TEX15: variants seen among roughly 807,000 people sequenced by gnomAD.
TEX15 encodes testis-expressed protein 15.
A neutral mutation model predicts 237.3 loss-of-function variants in TEX15; 171 were observed. That is an observed-to-expected ratio of 0.72 (90% CI 0.64 to 0.82). The LOEUF (loss-of-function observed/expected upper bound fraction) is 0.82. Among genes scored for constraint, TEX15 ranks in the 40% least tolerant of loss-of-function variants. The probability of loss-of-function intolerance (pLI) is 0.00; values close to 1 mark genes in which losing one functional copy is unlikely to be tolerated. For synonymous variants in TEX15, 1,338 were observed against 1,269.8 expected (o/e 1.05, Z -1.14); for missense variants, 3,750 against 3,646.5 (o/e 1.03, Z -0.73).
intron 4 of TEX15, among the ~76,000 whole-genome samples, chr8:30,871,053 C>T (rs1808281350): frequency 1.3e-5 from 2 of 151,742 alleles, no homozygotes; most frequent in African/African-American, 4.8e-5. Flanking sequence ...CAAGCTGAGT[C>T]CCCCTCATAT....
At chr8:30,897,767 CCTT>C (rs1392440186) in intron 2 of TEX15, among the ~76,000 whole-genome samples, 5 of 152,238 alleles carry the variant, frequency 3.3e-5, no homozygotes, top group African/African-American at 1.2e-4. Flanking sequence ...CTCAAGCAAT[CCTT>C]CTGCCTCAGC....
intron 5 of TEX15, among the ~76,000 whole-genome samples, chr8:30,863,132 A>C (rs1369376300): frequency 6.6e-6 from 1 of 152,190 alleles, no homozygotes; most frequent in African/African-American, 2.4e-5. Flanking sequence ...AGAATGTTTC[A>C]GATTTTGAAT....
intron 3 of TEX15, among the ~76,000 whole-genome samples, chr8:30,878,078 T>C (rs1445910919): frequency 2.0e-5 from 3 of 150,198 alleles, no homozygotes; most frequent in African/African-American, 5.0e-5. Flanking sequence ...TTTTGTAGTA[T>C]GAGACCTGTA....
chr8:30,864,121 TAAA>T (rs961216123), intron 5 of TEX15, among the ~76,000 whole-genome samples: 19 of 151,716 alleles, frequency 1.3e-4, no homozygotes, highest in African/African-American at 4.6e-4. Context: ...AGAGAAAACT[TAAA>T]AACCAAAAAG....
intron 1 of TEX15, among the ~76,000 whole-genome samples, chr8:30,909,924 G>A (rs556218626): frequency 1.3e-5 from 2 of 152,274 alleles, no homozygotes; most frequent in Non-Finnish European, 2.9e-5. Flanking sequence ...GAGATTTAAT[G>A]AGATTCCATT....
chr8:30,877,782 T>C (rs1473364883), intron 3 of TEX15, among the ~76,000 whole-genome samples: 1 of 152,196 alleles, frequency 6.6e-6, no homozygotes, highest in African/African-American at 2.4e-5. Flanking sequence ...GAAAATGACA[T>C]TGGTACAAGC....
Position 30,848,818 on chromosome 8 carries a change from G to A in TEX15, c.1349C>T (p.Ala450Val), listed in dbSNP as rs559258109. ...EESMGEQSST[A>V]GLNEVLQFEK... ...AAATTGCAAAACCTCATTTAAGCCTGCAGTACTACTCTGTTCTCCCATACT... is the reference window on the plus strand; with the variant it reads ...AAATTGCAAAACCTCATTTAAGCCTACAGTACTACTCTGTTCTCCCATACT... The change falls in exon 8 of 11, where the codon GCA becomes GTA. Residue 450 changes from alanine (A) to valine (V), a missense_variant. Ala to Val is a moderately conservative substitution (Grantham distance 64). Transcript: ENST00000643185. The A allele has an allele frequency of 1.1e-5, 17 of 1,614,140 alleles. No individual in the cohort carries two copies. Among genetic ancestry groups the A allele is most frequent in the African/African-American group, 9.3e-5 (7 of 75,038 alleles).
chr8:30,896,350 T>C (rs1047578639), intron 2 of TEX15, among the ~76,000 whole-genome samples: 2 of 152,332 alleles, frequency 1.3e-5, no homozygotes, highest in East Asian at 1.9e-4. Flanking sequence ...TCATCTATTT[T>C]CACTCATCTT....
At chr8:30,855,886 G>C (rs1038341915) in intron 7 of TEX15, among the ~76,000 whole-genome samples, 3 of 152,122 alleles carry the variant, frequency 2.0e-5, no homozygotes, top group Admixed American at 6.5e-5. Context: ...AGGCAAATAA[G>C]TACATTAGTA....
intron 1 of TEX15, among the ~76,000 whole-genome samples, 152 bp from the exon 2 acceptor site, chr8:30,898,969 G>A (rs543120711): frequency 3.9e-4 from 59 of 152,126 alleles, no homozygotes; most frequent in Non-Finnish European, 6.9e-4. Context: ...GGGGGAGGGA[G>A]CTGTCTGTTT....
At chr8:30,835,293 C>T (rs1468234157) in intron 10 of TEX15, among the ~76,000 whole-genome samples, 2 of 151,946 alleles carry the variant, frequency 1.3e-5, no homozygotes, top group African/African-American at 4.8e-5. Context: ...TTAGTAGATA[C>T]CAGGGTTTCG....
chr8:30,860,920 A>T (rs926421236), intron 5 of TEX15, among the ~76,000 whole-genome samples: 25 of 147,984 alleles, frequency 1.7e-4, no homozygotes, highest in African/African-American at 5.7e-4. Context: ...ATAGCTCAGA[A>T]TTTTTTTTTT....
intron 8 of TEX15, among the ~76,000 whole-genome samples, chr8:30,841,245 C>T (rs558949471): frequency 1.3e-5 from 2 of 152,272 alleles, no homozygotes; most frequent in East Asian, 3.9e-4. Flanking sequence ...TTCTAAACTT[C>T]TGAACTAAGA....
chr8:30,852,193 C>T (rs1191931610), intron 7 of TEX15, among the ~76,000 whole-genome samples: 1 of 148,540 alleles, frequency 6.7e-6, no homozygotes, highest in Non-Finnish European at 1.5e-5. Flanking sequence ...CAAACTCCGC[C>T]TCCCGGGTTC....
intron 1 of TEX15, among the ~76,000 whole-genome samples, chr8:30,911,550 T>C (rs1809219577): frequency 1.3e-5 from 2 of 152,192 alleles, no homozygotes; most frequent in African/African-American, 4.8e-5. Context: ...CACTTCTACT[T>C]CATACTTTGA....
intron 6 of TEX15, 46 bp downstream of exon 6, chr8:30,859,865 T>C (rs1320610938): frequency 1.5e-6 from 2 of 1,316,064 alleles, no homozygotes; most frequent in African/African-American, 1.5e-5. Flanking sequence ...AAACATACAA[T>C]GTGAAACATG....
At chr8:30,858,890 A>G (rs1216558389) in intron 6 of TEX15, 60 bp from the exon 7 acceptor site, 12 of 1,220,242 alleles carry the variant, frequency 9.8e-6, no homozygotes, top group South Asian at 1.7e-5. Context: ...GAATAAGCTC[A>G]TATTTTTAAA....
At chr8:30,899,370 G>C (rs1334922662) in intron 1 of TEX15, among the ~76,000 whole-genome samples, 1 of 152,132 alleles carries the variant, frequency 6.6e-6, no homozygotes, top group African/African-American at 2.4e-5. Flanking sequence ...AACCAAACTG[G>C]TAAGTTGGTT....
rs1317506550 is a variant in TEX15, at chr8:30,845,824, G to A, written c.4343C>T (p.Ser1448Leu). ...RKYYSTKHFS[S>L]KRKYDKRRKK... Reference sequence around the variant, plus strand: ...TCTCCGTTTGTCATATTTTCTTTTTGACGAAAAATGCTTAGTAGAATAATA... The same window carrying A: ...TCTCCGTTTGTCATATTTTCTTTTTAACGAAAAATGCTTAGTAGAATAATA... The change falls in exon 8 of 11, where the codon TCA (serine) becomes TTA (leucine). Residue 1448 changes from serine to leucine, a missense_variant. By Grantham distance (145) the Ser-to-Leu change is moderately radical. Coordinates refer to ENST00000643185, the MANE Select transcript of TEX15 (RefSeq NM_001350162.2). 6.2e-7 allele frequency: 1 copy of A among 1,606,766 alleles called. No individual in the cohort carries two copies. Among genetic ancestry groups the A allele is most frequent in the Non-Finnish European group, 8.5e-7 (1 of 1,178,160 alleles).
Sources: allele counts gnomAD v4.1 joint callset (sites outside exome capture counted in the v4.1 genomes callset), GRCh38; gene constraint gnomAD v4.1.1; transcripts MANE v1.5; gene names NCBI Gene and HGNC (gene_info 2026-07-23, HGNC 2026-07-21).